DGCR2: variants seen among roughly 807,000 people sequenced by gnomAD.
DGCR2 encodes the protein integral membrane protein DGCR2/IDD.
DGCR2 carries 24 observed loss-of-function variants against 51.6 expected under a neutral mutation model. The ratio of observed to expected loss-of-function variants is 0.47; its 90% confidence interval spans 0.34 to 0.65. The LOEUF (loss-of-function observed/expected upper bound fraction) is 0.65. DGCR2 is among the 30% of genes least tolerant of loss of function. The pLI is 0.01. For missense variants in DGCR2, 765 were observed against 772.1 expected (o/e 0.99, Z 0.11); for synonymous variants, 340 against 315.4 (o/e 1.08, Z -0.82).
At chr22:19,044,053 C>G (rs1466697575) in intron 7 of DGCR2, among the ~76,000 whole-genome samples, 2 of 152,196 alleles carry the variant, frequency 1.3e-5, no homozygotes, top group Non-Finnish European at 2.9e-5. Flanking sequence ...TCAGAGATCC[C>G]AGGGGAGCTC....
intron 6 of DGCR2, among the ~76,000 whole-genome samples, chr22:19,051,670 G>A (rs1394994667): frequency 6.6e-6 from 1 of 152,206 alleles, no homozygotes; most frequent in African/African-American, 2.4e-5. Context: ...AGGTTACAGT[G>A]AACTATGATT....
At chr22:19,118,374 CAAAAAAAAAA>C (rs923572855) in intron 1 of DGCR2, among the ~76,000 whole-genome samples, 47 of 56,766 alleles carry the variant, frequency 8.3e-4, no homozygotes, top group Admixed American at 1.2e-3. Flanking sequence ...CCATCGCAAA[CAAAAAAAAAA>C]AAAAAAAAAA....
intron 2 of DGCR2, among the ~76,000 whole-genome samples, chr22:19,087,113 T>C (rs1026472337): frequency 6.6e-6 from 1 of 152,014 alleles, no homozygotes; most frequent in East Asian, 1.9e-4. Context: ...AAGGGGAGGC[T>C]CCCACTCATA....
intron 2 of DGCR2, among the ~76,000 whole-genome samples, chr22:19,082,910 GA>G (rs1336305831): frequency 1.3e-5 from 2 of 152,010 alleles, no homozygotes; most frequent in Non-Finnish European, 2.9e-5. Flanking sequence ...GCAACGTGGC[GA>G]AACACCGATT....
chr22:19,112,274 TAAA>T (rs374315923), intron 1 of DGCR2, among the ~76,000 whole-genome samples: 3 of 134,900 alleles, frequency 2.2e-5, no homozygotes, highest in Non-Finnish European at 4.8e-5. Flanking sequence ...CTCCATCTTT[TAAA>T]AAAAAAAAAA....
At position 19,048,664 on chromosome 22, in the gene DGCR2, G is replaced by C. The variant is rs1477362822; in HGVS notation, c.803-21C>G. On this transcript the variant is annotated intron_variant, in intron 6 of 9. Transcript: ENST00000263196. ...TTGACCTGCAATGAGCATACATTGT[G>C]TACAGATGTATACAATGCCAAAAAA... 4 of 1,610,844 alleles carry C rather than the reference G, an allele frequency of 2.5e-6. No individual in the cohort carries two copies. In the South Asian group the frequency reaches 4.4e-5, roughly 18 times the overall value.
intron 3 of DGCR2, among the ~76,000 whole-genome samples, chr22:19,067,314 C>T (rs555729912): frequency 3.3e-5 from 5 of 152,302 alleles, no homozygotes; most frequent in African/African-American, 1.2e-4. Flanking sequence ...GCTTTTCCTC[C>T]CCTCAACCTT....
chr22:19,114,207 A>G (rs1253215662), intron 1 of DGCR2, among the ~76,000 whole-genome samples: 8 of 152,132 alleles, frequency 5.3e-5, no homozygotes, highest in African/African-American at 1.9e-4. Context: ...AGATCTCAAA[A>G]TAAGTTAAAT....
intron 1 of DGCR2, among the ~76,000 whole-genome samples, chr22:19,105,598 G>C (rs375129440): frequency 1.3e-5 from 2 of 152,184 alleles, no homozygotes; most frequent in South Asian, 4.1e-4. Flanking sequence ...ACTGTACTCC[G>C]GGGCCCCAGA....
At chr22:19,059,261 CCAGA>C (rs2082635123) in intron 5 of DGCR2, among the ~76,000 whole-genome samples, 3 of 152,138 alleles carry the variant, frequency 2.0e-5, no homozygotes, top group South Asian at 4.2e-4. Flanking sequence ...GGCCAGGAGA[CCAGA>C]CAGAGGCCAC....
intron 1 of DGCR2, among the ~76,000 whole-genome samples, chr22:19,106,329 T>C (rs1379162715): frequency 6.6e-6 from 1 of 152,176 alleles, no homozygotes; most frequent in Admixed American, 6.5e-5. Context: ...ATAAATGCTC[T>C]GAGAGGGACC....
chr22:19,045,604 T>C (rs2082480650), intron 7 of DGCR2, among the ~76,000 whole-genome samples: 2 of 152,384 alleles, frequency 1.3e-5, no homozygotes, highest in African/African-American at 4.8e-5. Flanking sequence ...TACCTTTTTA[T>C]TTAAGAGACA....
intron 1 of DGCR2, among the ~76,000 whole-genome samples, chr22:19,095,477 C>G (rs1487429771): frequency 3.9e-5 from 6 of 151,916 alleles, no homozygotes; most frequent in African/African-American, 1.5e-4. Context: ...CTGGCTAACA[C>G]GGTGAAACCC....
At chr22:19,078,694 C>G (rs1892943352) in intron 2 of DGCR2, among the ~76,000 whole-genome samples, 1 of 152,194 alleles carries the variant, frequency 6.6e-6, no homozygotes, top group Non-Finnish European at 1.5e-5. Context: ...TTTTAGTTTG[C>G]TGAGACATCC....
intron 5 of DGCR2, among the ~76,000 whole-genome samples, chr22:19,059,174 T>C (rs2082633989): frequency 6.6e-6 from 1 of 152,060 alleles, no homozygotes; most frequent in African/African-American, 2.4e-5. Flanking sequence ...GTGATTTCTA[T>C]GAGAAACGAG....
At chr22:19,076,726 T>A (rs1216835666) in intron 2 of DGCR2, among the ~76,000 whole-genome samples, 1 of 110,452 alleles carries the variant, frequency 9.1e-6, no homozygotes, top group Admixed American at 1.0e-4. Flanking sequence ...CTTTGCACAT[T>A]TTTTTTTTTT....
chr22:19,084,780 C>T (rs1055348135), intron 2 of DGCR2, among the ~76,000 whole-genome samples: 4 of 141,726 alleles, frequency 2.8e-5, no homozygotes, highest in Non-Finnish European at 6.2e-5. Context: ...AGCCCCCGCC[C>T]GGCCAGCCGC....
intron 9 of DGCR2, among the ~76,000 whole-genome samples, chr22:19,039,528 G>GAGGC (rs1337256482): frequency 6.6e-6 from 1 of 152,146 alleles, no homozygotes; most frequent in East Asian, 1.9e-4. Flanking sequence ...TGTCATCAGG[G>GAGGC]AGGCACTGGG....
chr22:19,067,121 T>G (rs1442771699), intron 3 of DGCR2, among the ~76,000 whole-genome samples: 39 of 152,276 alleles, frequency 2.6e-4, no homozygotes, highest in Non-Finnish European at 4.4e-5. Flanking sequence ...GAAGCAGACC[T>G]GGTCACCTCT....
Sources: gnomAD v4.1 joint callset for allele counts (sites outside exome capture counted in the v4.1 genomes callset) on GRCh38, gnomAD v4.1.1 for gene constraint, MANE v1.5 for transcripts, NCBI Gene and HGNC (gene_info 2026-07-23, HGNC 2026-07-21) for gene names.